The following ZFPM2 variants were observed in gnomAD, a reference collection of about 807,000 sequenced individuals.
ZFPM2 encodes the protein zinc finger protein ZFPM2.
A neutral mutation model predicts 98.6 loss-of-function variants in ZFPM2; 20 were observed. That is an observed-to-expected ratio of 0.20 (90% confidence interval 0.14 to 0.29). The LOEUF (loss-of-function observed/expected upper bound fraction) is 0.29. Among genes scored for constraint, ZFPM2 ranks in the 10% least tolerant of loss-of-function variants. ZFPM2 has a pLI of 1.00. For synonymous variants in ZFPM2, 518 were observed against 502.7 expected, an observed-to-expected ratio of 1.03 and a Z score of -0.41; for missense variants, 1,310 against 1,388.6, an observed-to-expected ratio of 0.94 and a Z score of 0.90.
chr8:105,456,146 G>GTTTTTTTTTTT lies in ZFPM2; in HGVS notation c.301+11774_301+11775insTTTTTTTTTTT, dbSNP rs200639878. The stretch of plus-strand genomic sequence containing the variant: ...AGAAGATGGGGAAAACCAGGAAAAT[G>GTTTTTTTTTTT]TTTTTTTTTGTTTGTTTGTTTGTTT... On this transcript the variant is annotated intron_variant, in intron 3 of 7. Coordinates refer to ENST00000407775, the MANE Select transcript of ZFPM2 (RefSeq NM_012082.4). Among the ~76,000 whole-genome samples, 8 of 93,282 alleles carry GTTTTTTTTTTT rather than the reference G, an allele frequency of 8.6e-5. 2 individuals carry two copies. The highest frequency in any genetic ancestry group is 4.9e-5 in the Non-Finnish European group (2 of 41,012). 61.2% of individuals were successfully genotyped at this position (93,282 alleles called of 152,430 possible). A position where few individuals can be genotyped will look rare whatever the true frequency, so the allele number is the denominator to read the frequency against.
chr8:105,599,909 C>T (rs62527245), intron 4 of ZFPM2, among the ~76,000 whole-genome samples: 9,296 of 152,164 alleles, frequency 0.061, 306 homozygotes, highest in Admixed American at 0.094. Context: ...AAGAGATGTG[C>T]AGGACTTATC....
chr8:105,416,460 G>T (rs1033736892), intron 1 of ZFPM2, among the ~76,000 whole-genome samples: 1 of 151,478 alleles, frequency 6.6e-6, no homozygotes, highest in Admixed American at 6.6e-5. Flanking sequence ...TGTATAATAT[G>T]TATACATTCT....
chr8:105,793,667 A>G (rs1364562251), intron 6 of ZFPM2, among the ~76,000 whole-genome samples: 1 of 152,128 alleles, frequency 6.6e-6, no homozygotes, highest in Non-Finnish European at 1.5e-5. Flanking sequence ...CCTGGATAAT[A>G]TCCTGCAGAG....
rs10659350 is a variant in ZFPM2 at position 105,517,692 on chromosome 8, C to CCA, written c.302-43657_302-43656dup. Among the ~76,000 whole-genome samples, 191 of 130,094 alleles carry CCA rather than the reference C, an allele frequency of 1.5e-3. 5 individuals are homozygous for CCA. Among genetic ancestry groups the CCA allele is most frequent in the East Asian group, 2.8e-3 (12 of 4,228 alleles). The allele number at this position is 130,094 out of a possible 152,430, so 85.3% of individuals were successfully genotyped here. ...TAGTGAGACCCTATCCACACACACACCACACACACACACACCACACACACA... is the reference window on the plus strand; with the variant it reads ...TAGTGAGACCCTATCCACACACACACCACACACACACACACACCACACACACA... On this transcript the variant is annotated intron_variant, in intron 3 of 7. Coordinates refer to ENST00000407775, the MANE Select transcript of ZFPM2 (RefSeq NM_012082.4).
chr8:105,537,771 AC>A (rs1367516256), intron 3 of ZFPM2, among the ~76,000 whole-genome samples: 1 of 151,588 alleles, frequency 6.6e-6, no homozygotes, highest in African/African-American at 2.4e-5. Flanking sequence ...TTGCTCTGTC[AC>A]CAGGCTGGAG....
chr8:105,486,963 G>A (rs79476292), intron 3 of ZFPM2, among the ~76,000 whole-genome samples: 2,122 of 152,168 alleles, frequency 0.014, 86 homozygotes, highest in Admixed American at 0.067. Context: ...TAGTCTATTT[G>A]CCTATCTTCA....
chr8:105,795,678 C>T, intron 6 of ZFPM2: 1 of 349,062 alleles, frequency 2.9e-6, no homozygotes, highest in Non-Finnish European at 5.6e-6. Flanking sequence ...TTAAGTACAC[C>T]CTGGCAAATT....
At chr8:105,378,690 A>G (rs1810780648) in intron 1 of ZFPM2, among the ~76,000 whole-genome samples, 1 of 152,164 alleles carries the variant, frequency 6.6e-6, no homozygotes, top group Non-Finnish European at 1.5e-5. Context: ...AGAAACAAAA[A>G]CTGTTGGGGA....
intron 5 of ZFPM2, among the ~76,000 whole-genome samples, chr8:105,678,223 G>C (rs551442614): frequency 6.6e-6 from 1 of 152,230 alleles, no homozygotes; most frequent in South Asian, 2.1e-4. Context: ...CATTTTGTCA[G>C]CCCTCTCTTT....
chr8:105,581,765 A>G (rs1184008570), intron 4 of ZFPM2, among the ~76,000 whole-genome samples: 1 of 152,198 alleles, frequency 6.6e-6, no homozygotes, highest in East Asian at 1.9e-4. Flanking sequence ...AATGCCATAA[A>G]CTATGATTCT....
At chr8:105,418,446 G>C (rs1398476933) in intron 1 of ZFPM2, 4 of 442,556 alleles carry the variant, frequency 9.0e-6, no homozygotes, top group African/African-American at 6.2e-5. Flanking sequence ...CATTAATGTA[G>C]CGCACCTCAC....
intron 5 of ZFPM2, chr8:105,662,488 G>A (rs529095417): frequency 5.9e-5 from 9 of 151,838 alleles, no homozygotes; most frequent in Non-Finnish European, 7.4e-5. Flanking sequence ...TCAGCTCCAA[G>A]GTATTAAATT....
chr8:105,406,663 A>G (rs1219099028), intron 1 of ZFPM2, among the ~76,000 whole-genome samples: 3 of 152,060 alleles, frequency 2.0e-5, no homozygotes, highest in East Asian at 3.9e-4. Context: ...TCTTAGAATA[A>G]CCTGGATGGC....
intron 1 of ZFPM2, among the ~76,000 whole-genome samples, chr8:105,342,995 ATGCC>A (rs748326262): frequency 1.6e-4 from 24 of 152,072 alleles, no homozygotes; most frequent in Non-Finnish European, 3.5e-4. Flanking sequence ...GACATACTAC[ATGCC>A]TGAAAACATT....
chr8:105,774,960 C>G (rs1436948750), intron 5 of ZFPM2, among the ~76,000 whole-genome samples: 1 of 151,836 alleles, frequency 6.6e-6, no homozygotes, highest in African/African-American at 2.4e-5. Flanking sequence ...AACACAGGGT[C>G]CTGCCAGCTA....
intron 3 of ZFPM2, among the ~76,000 whole-genome samples, chr8:105,527,547 G>C (rs1456053111): frequency 1.3e-5 from 2 of 152,204 alleles, no homozygotes; most frequent in Non-Finnish European, 2.9e-5. Flanking sequence ...CAATGACTGA[G>C]TCTTATTAAA....
chr8:105,339,628 T>A (rs1296447877), intron 1 of ZFPM2, among the ~76,000 whole-genome samples: 1 of 151,882 alleles, frequency 6.6e-6, no homozygotes, highest in Admixed American at 6.6e-5. Context: ...ATAATTCGAC[T>A]GCATCTGCAA....
intron 2 of ZFPM2, among the ~76,000 whole-genome samples, chr8:105,427,208 G>A (rs563869153): frequency 7.2e-5 from 11 of 152,152 alleles, no homozygotes; most frequent in African/African-American, 2.7e-4. Context: ...ATACAAATTT[G>A]CTTCATGACT....
intron 6 of ZFPM2, among the ~76,000 whole-genome samples, chr8:105,790,385 C>A (rs1052757323): frequency 6.6e-6 from 1 of 152,146 alleles, no homozygotes; most frequent in African/African-American, 2.4e-5. Flanking sequence ...TGTCAAAGAT[C>A]AGATAGATAG....
Sources: allele counts gnomAD v4.1 joint callset (sites outside exome capture counted in the v4.1 genomes callset), GRCh38; gene constraint gnomAD v4.1.1; transcripts MANE v1.5; gene names NCBI Gene and HGNC (gene_info 2026-07-23, HGNC 2026-07-21).